The following DNAAF9 variants were observed in gnomAD, a reference collection of about 807,000 sequenced individuals.
DNAAF9 encodes dynein axonemal assembly factor 9, also known as shulin.
Under a neutral mutation model 167.0 loss-of-function variants are expected in DNAAF9, and 90 were observed. The ratio of observed to expected loss-of-function variants is 0.54; its 90% CI spans 0.45 to 0.64. DNAAF9 has a LOEUF of 0.64. Ranked by LOEUF, DNAAF9 falls within the 30% of genes least tolerant of loss-of-function variation. DNAAF9 has a pLI of 0.00. For missense variants in DNAAF9, 1,315 were observed against 1,442.2 expected, an observed-to-expected ratio of 0.91 and a Z score of 1.43; for synonymous variants, 491 against 508.8, an observed-to-expected ratio of 0.96 and a Z score of 0.47.
At chr20:3,343,794 C>A in intron 8 of DNAAF9, 63 bp from the exon 9 acceptor site, 1 of 1,244,776 alleles carries the variant, frequency 8.0e-7, no homozygotes, top group South Asian at 1.2e-5. Context: ...CATAAAACCC[C>A]TCACATATGT....
intron 21 of DNAAF9, among the ~76,000 whole-genome samples, chr20:3,303,680 C>G (rs1286123123): frequency 6.6e-6 from 1 of 152,212 alleles, no homozygotes; most frequent in Non-Finnish European, 1.5e-5. Context: ...GACCAAAATA[C>G]CTCACATAGT....
intron 12 of DNAAF9, among the ~76,000 whole-genome samples, chr20:3,330,347 A>G (rs1296214049): frequency 6.6e-6 from 1 of 152,030 alleles, no homozygotes; most frequent in Non-Finnish European, 1.5e-5. Flanking sequence ...GGCTTAAGTG[A>G]TCCTCCCACC....
intron 21 of DNAAF9, among the ~76,000 whole-genome samples, chr20:3,304,058 C>T (rs1244442251): frequency 6.6e-6 from 1 of 152,198 alleles, no homozygotes; most frequent in Non-Finnish European, 1.5e-5. Flanking sequence ...CAGGATGCAG[C>T]TCCTTTCTGA....
chr20:3,284,833 T>C (rs1304198778), intron 27 of DNAAF9, among the ~76,000 whole-genome samples: 2 of 152,178 alleles, frequency 1.3e-5, no homozygotes, highest in African/African-American at 4.8e-5. Context: ...TTTTTAAAAT[T>C]CAGATTTTTC....
chr20:3,263,686 A>C (rs1027724807), intron 31 of DNAAF9, among the ~76,000 whole-genome samples: 1 of 152,254 alleles, frequency 6.6e-6, no homozygotes, highest in South Asian at 2.1e-4. Context: ...GCACTGTTCA[A>C]CAGAGCCTTC....
chr20:3,332,867 C>T (rs977713281), intron 10 of DNAAF9, among the ~76,000 whole-genome samples: 6 of 148,360 alleles, frequency 4.0e-5, no homozygotes, highest in Admixed American at 2.7e-4. Context: ...GGTGCGTGTG[C>T]GTGCGTGCAT....
chr20:3,319,027 G>C (rs1215907473), intron 16 of DNAAF9, among the ~76,000 whole-genome samples: 2 of 146,010 alleles, frequency 1.4e-5, no homozygotes, highest in African/African-American at 5.1e-5. Context: ...AGGCTGCAGT[G>C]AGCTGAGATC....
intron 4 of DNAAF9, 122 bp downstream of exon 4, chr20:3,376,056 G>A (rs1447145426): frequency 1.1e-6 from 1 of 902,098 alleles, no homozygotes; most frequent in African/African-American, 1.7e-5. Flanking sequence ...ACTTCAAACA[G>A]ATAATCTTTT....
intron 5 of DNAAF9, 83 bp from the exon 6 acceptor site, chr20:3,374,237 G>T: frequency 1.2e-6 from 1 of 858,980 alleles, no homozygotes; most frequent in Non-Finnish European, 1.9e-6. Context: ...GGTTAGACAG[G>T]TATCATTTCT....
intron 20 of DNAAF9, chr20:3,306,925 G>T (rs1448885735): frequency 4.8e-5 from 47 of 985,214 alleles, no homozygotes; most frequent in Non-Finnish European, 5.7e-5. Context: ...TCACGAGGTA[G>T]AAACTGCTCC....
chr20:3,343,604 C>A, intron 9 of DNAAF9, 72 bp downstream of exon 9: 1 of 1,207,590 alleles, frequency 8.3e-7, no homozygotes, highest in South Asian at 1.3e-5. Flanking sequence ...AATGCACCCC[C>A]ACAGCCAACC....
intron 22 of DNAAF9, among the ~76,000 whole-genome samples, chr20:3,297,479 A>G (rs1356445730): frequency 2.0e-5 from 3 of 152,238 alleles, no homozygotes; most frequent in Non-Finnish European, 2.9e-5. Context: ...CTGTCCCCTC[A>G]CAAGCTGCTG....
chr20:3,388,529 T>C (rs893111088), intron 1 of DNAAF9, among the ~76,000 whole-genome samples: 6 of 152,172 alleles, frequency 3.9e-5, no homozygotes, highest in Non-Finnish European at 8.8e-5. Context: ...ATAGAAGCAC[T>C]ATTTGCAACA....
At chr20:3,285,134 T>C (rs960175883) in intron 27 of DNAAF9, among the ~76,000 whole-genome samples, 1 of 152,228 alleles carries the variant, frequency 6.6e-6, no homozygotes, top group South Asian at 2.1e-4. Flanking sequence ...CTCCACTTGA[T>C]GTCAAAGTTC....
At chr20:3,384,312 G>A (rs938408243) in intron 1 of DNAAF9, 2 of 152,212 alleles carry the variant, frequency 1.3e-5, no homozygotes, top group African/African-American at 4.8e-5. Context: ...AACCACAGAA[G>A]GAGGCACAGT....
intron 6 of DNAAF9, among the ~76,000 whole-genome samples, chr20:3,364,078 A>G (rs909985735): frequency 6.6e-6 from 1 of 152,204 alleles, no homozygotes; most frequent in African/African-American, 2.4e-5. Flanking sequence ...CTGAGACTAC[A>G]GGCACATGGC....
chr20:3,268,478 G>A (rs145838375), intron 30 of DNAAF9, among the ~76,000 whole-genome samples: 9,429 of 152,038 alleles, frequency 0.062, 372 homozygotes, highest in Non-Finnish European at 0.082. Context: ...ATAGGCATGC[G>A]CCACCATGCC....
At chr20:3,362,086 G>C in intron 6 of DNAAF9, 1 of 1,406,222 alleles carries the variant, frequency 7.1e-7, no homozygotes. Flanking sequence ...TATTACAAAG[G>C]GGGGTGCTTC....
chr20:3,324,902 C>T lies in DNAAF9; in HGVS notation c.1255G>A (p.Ala419Thr). 6.3e-7 allele frequency: 1 copy of T among 1,592,662 alleles called. No individual in the cohort carries two copies. Among genetic ancestry groups the T allele is most frequent in the Non-Finnish European group, 8.6e-7 (1 of 1,160,546 alleles). Reference protein sequence around the residue: ...LDSFELIPFKAALRSKMTFHI... With the variant: ...LDSFELIPFKTALRSKMTFHI... Reference sequence around the variant, plus strand: ...TCAGCCATTGCTTACCGCAGGGCTGCCTTAAACGGAATCAACTCAAAGGAA... The same window carrying T: ...TCAGCCATTGCTTACCGCAGGGCTGTCTTAAACGGAATCAACTCAAAGGAA... The change falls in exon 14 of 37, where the codon GCA becomes ACA. Residue 419 changes from alanine (A) to threonine (T), a missense_variant. Physicochemically the swap from Ala to Thr is moderately conservative, Grantham distance 58. This residue lies in a region of DNAAF9 where 981 missense variants were observed against 1,012.5 expected (regional missense o/e 0.97). Coordinates refer to ENST00000252032, the MANE Select transcript of DNAAF9 (RefSeq NM_001009984.3).
Sources: gnomAD v4.1 joint callset for allele counts (sites outside exome capture counted in the v4.1 genomes callset) on GRCh38, gnomAD v4.1.1 for gene constraint, gnomAD v4.1.1 regional missense constraint, MANE v1.5 for transcripts, NCBI Gene and HGNC (gene_info 2026-07-23, HGNC 2026-07-21) for gene names.